Variants in PPM1L observed in about 807,000 individuals in gnomAD.
PPM1L encodes protein phosphatase, Mg2+/Mn2+ dependent 1L, also known as protein phosphatase 1L.
In PPM1L, 13 loss-of-function variants were observed where a neutral mutation model predicts 31.4. That is an observed-to-expected ratio of 0.41 (90% CI 0.27 to 0.66). The LOEUF (loss-of-function observed/expected upper bound fraction) is 0.66. PPM1L is among the 30% of genes least tolerant of loss of function. The pLI is 0.29. For missense variants in PPM1L, 326 were observed against 453.7 expected, an observed-to-expected ratio of 0.72 and a Z score of 2.56; for synonymous variants, 184 against 175.4, an observed-to-expected ratio of 1.05 and a Z score of -0.39.
chr3:160,891,718 T>G (rs1488964549), intron 1 of PPM1L, among the ~76,000 whole-genome samples: 1 of 152,216 alleles, frequency 6.6e-6, no homozygotes, highest in African/African-American at 2.4e-5. Flanking sequence ...TGCAGCACTA[T>G]TTACAACAGC....
intron 1 of PPM1L, among the ~76,000 whole-genome samples, chr3:160,943,535 T>A (rs1715226559): frequency 6.6e-6 from 1 of 152,176 alleles, no homozygotes; most frequent in Admixed American, 6.6e-5. Context: ...CAAACTTAAT[T>A]TTCTTTTTAA....
rs956438686 is a variant in PPM1L, at chr3:160,769,114, A to G, written c.399+12407A>G. On this transcript the variant is annotated intron_variant, in intron 1 of 3. Transcript: ENST00000498165. ...ACTTGGTCATGGGAATGTGATCAGC[A>G]TGATTAGCCTTGACTCATCATAATT... is the stretch of plus-strand genomic sequence containing the variant. Among the ~76,000 whole-genome samples the G allele has an allele frequency of 2.0e-5, 3 of 152,232 alleles. No homozygotes were observed. The East Asian group carries it at 5.8e-4, about 29-fold the overall frequency.
chr3:161,019,702 ATCAG>A lies in PPM1L; in HGVS notation c.575-45695_575-45692del, dbSNP rs545888490. 4.0e-3 allele frequency among the ~76,000 whole-genome samples: 609 copies of A among 152,294 alleles called. 4 individuals carry two copies. Among genetic ancestry groups the A allele is most frequent in the African/African-American group, 0.014 (589 of 41,560 alleles). On this transcript the variant is annotated intron_variant, in intron 2 of 3. Transcript: ENST00000498165. The stretch of plus-strand genomic sequence containing the variant: ...TTGTGTTACCTGTCACTGCTGCATC[ATCAG>A]TCAGTTAGCTCAGGGCATTTACTGC...
intron 1 of PPM1L, among the ~76,000 whole-genome samples, chr3:160,877,664 G>C (rs1712563955): frequency 6.6e-6 from 1 of 152,190 alleles, no homozygotes; most frequent in African/African-American, 2.4e-5. Context: ...TCCCAAGTGG[G>C]ACTTCCGGTC....
intron 1 of PPM1L, among the ~76,000 whole-genome samples, chr3:160,900,510 A>T (rs1399868376): frequency 6.6e-6 from 1 of 152,162 alleles, no homozygotes; most frequent in Non-Finnish European, 1.5e-5. Context: ...AAGAAAACAT[A>T]TTTAACATGC....
chr3:160,865,555 T>TC (rs1427705229), intron 1 of PPM1L, among the ~76,000 whole-genome samples: 1 of 152,188 alleles, frequency 6.6e-6, no homozygotes, highest in Non-Finnish European at 1.5e-5. Context: ...GGTGGGCAGA[T>TC]CACGAGGTCA....
intron 1 of PPM1L, among the ~76,000 whole-genome samples, chr3:160,807,072 G>A (rs969643147): frequency 6.6e-6 from 1 of 152,220 alleles, no homozygotes; most frequent in Non-Finnish European, 1.5e-5. Context: ...AAACTCCTCT[G>A]GTGATTCCAG....
intron 2 of PPM1L, among the ~76,000 whole-genome samples, chr3:161,036,715 A>G (rs951090274): frequency 6.6e-6 from 1 of 152,114 alleles, no homozygotes; most frequent in African/African-American, 2.4e-5. Flanking sequence ...TTAGTCCCAT[A>G]CTAGTCATTA....
intron 1 of PPM1L, among the ~76,000 whole-genome samples, chr3:160,814,360 A>G (rs1456775044): frequency 1.3e-5 from 2 of 152,090 alleles, no homozygotes; most frequent in Non-Finnish European, 2.9e-5. Context: ...TTGTCGTTAT[A>G]TGAAAAAGAC....
chr3:161,004,777 C>T (rs1717644624), intron 2 of PPM1L, among the ~76,000 whole-genome samples: 2 of 150,996 alleles, frequency 1.3e-5, no homozygotes, highest in East Asian at 2.0e-4. Context: ...TTTGTTGATC[C>T]TTTCAAAAAA....
intron 1 of PPM1L, among the ~76,000 whole-genome samples, chr3:160,849,724 A>G (rs1714204008): frequency 6.7e-6 from 1 of 148,334 alleles, no homozygotes; most frequent in South Asian, 2.1e-4. Context: ...ACGCCCGGCT[A>G]ATTTTTTGTT....
At chr3:160,963,461 C>T (rs1443945663) in intron 2 of PPM1L, among the ~76,000 whole-genome samples, 2 of 152,080 alleles carry the variant, frequency 1.3e-5, no homozygotes, top group East Asian at 3.9e-4. Flanking sequence ...CTAAAACATA[C>T]ATGTATGAGC....
At chr3:160,958,802 A>C (rs7619552) in intron 1 of PPM1L, among the ~76,000 whole-genome samples, 130,187 of 152,134 alleles carry the variant, frequency 0.86, 55,883 homozygotes, top group Middle Eastern at 0.92. Flanking sequence ...ACTCTAGGGG[A>C]TAAAATATAA....
intron 2 of PPM1L, among the ~76,000 whole-genome samples, chr3:161,055,290 T>C (rs1457590378): frequency 6.6e-6 from 1 of 152,138 alleles, no homozygotes; most frequent in Non-Finnish European, 1.5e-5. Flanking sequence ...TTAAAGATTA[T>C]GCAGACAAGA....
intron 1 of PPM1L, among the ~76,000 whole-genome samples, chr3:160,891,611 C>A (rs954503604): frequency 6.6e-6 from 1 of 152,042 alleles, no homozygotes; most frequent in Non-Finnish European, 1.5e-5. Context: ...GATCTAGAAC[C>A]AGAAATACCA....
chr3:161,001,528 C>G (rs999452633), intron 2 of PPM1L, among the ~76,000 whole-genome samples: 3 of 152,024 alleles, frequency 2.0e-5, no homozygotes, highest in Non-Finnish European at 4.4e-5. Context: ...TAATTCGCCC[C>G]CCAAAGTGCT....
At chr3:160,799,370 A>G (rs1326311096) in intron 1 of PPM1L, among the ~76,000 whole-genome samples, 1 of 152,234 alleles carries the variant, frequency 6.6e-6, no homozygotes, top group African/African-American at 2.4e-5. Flanking sequence ...GCTTTCAGCA[A>G]TCACCACCTT....
At chr3:160,870,227 A>G (rs1228929710) in intron 1 of PPM1L, among the ~76,000 whole-genome samples, 2 of 152,184 alleles carry the variant, frequency 1.3e-5, no homozygotes, top group African/African-American at 2.4e-5. Context: ...CTATAACTAC[A>G]TCTTCACCAC....
At chr3:161,029,574 AAG>A in intron 2 of PPM1L, among the ~76,000 whole-genome samples, 1 of 152,214 alleles carries the variant, frequency 6.6e-6, no homozygotes, top group African/African-American at 2.4e-5. Flanking sequence ...GAAAATATAA[AAG>A]AGGCCTCAAA....
Sources: allele counts gnomAD v4.1 joint callset (sites outside exome capture counted in the v4.1 genomes callset), GRCh38; gene constraint gnomAD v4.1.1; transcripts MANE v1.5; gene names NCBI Gene and HGNC (gene_info 2026-07-23, HGNC 2026-07-21).